AMPH: variants seen among roughly 807,000 people sequenced by gnomAD.
The protein encoded by AMPH is amphiphysin (Stiff-Mann syndrome with breast cancer 128kD autoantigen).
In AMPH, 49 loss-of-function variants were observed where a neutral mutation model predicts 99.1. The observed-to-expected ratio is 0.49, with a 90% confidence interval of 0.39 to 0.63. The LOEUF (loss-of-function observed/expected upper bound fraction) is 0.63, where lower values mean the gene tolerates loss of function less well. Ranked by LOEUF, AMPH falls within the 20% of genes least tolerant of loss-of-function variation. The pLI is 0.00. For synonymous variants in AMPH, 314 were observed against 317.3 expected, an observed-to-expected ratio of 0.99 and a Z score of 0.11; for missense variants, 759 against 863.4, an observed-to-expected ratio of 0.88 and a Z score of 1.52.
chr7:38,507,585 A>T (rs1193606373), intron 2 of AMPH, among the ~76,000 whole-genome samples: 1 of 152,226 alleles, frequency 6.6e-6, no homozygotes, highest in African/African-American at 2.4e-5. Flanking sequence ...AAATTAAACA[A>T]ATTCTTATAA....
chr7:38,420,179 G>C (rs1355121678), intron 16 of AMPH, among the ~76,000 whole-genome samples: 2 of 152,164 alleles, frequency 1.3e-5, no homozygotes, highest in Non-Finnish European at 2.9e-5. Flanking sequence ...CTCACTAAAT[G>C]ATGAGTAACA....
chr7:38,586,792 C>T (rs1792666297), intron 1 of AMPH, among the ~76,000 whole-genome samples: 2 of 152,216 alleles, frequency 1.3e-5, no homozygotes, highest in Non-Finnish European at 2.9e-5. Flanking sequence ...GCACCCTGTG[C>T]TAAGCACTTT....
At chr7:38,618,386 C>T (rs1443843518) in intron 1 of AMPH, among the ~76,000 whole-genome samples, 1 of 151,772 alleles carries the variant, frequency 6.6e-6, no homozygotes, top group Admixed American at 6.6e-5. Flanking sequence ...GTGGCATGCA[C>T]CTGTAGTCCC....
intron 2 of AMPH, among the ~76,000 whole-genome samples, chr7:38,526,419 A>C (rs996908533): frequency 7.4e-6 from 1 of 135,780 alleles, no homozygotes; most frequent in Admixed American, 8.2e-5. Context: ...GCAAGCACCC[A>C]CTACCATGCC....
intron 2 of AMPH, among the ~76,000 whole-genome samples, chr7:38,523,306 A>G (rs1330442527): frequency 6.6e-6 from 1 of 152,200 alleles, no homozygotes; most frequent in African/African-American, 2.4e-5. Context: ...ATGATACCCT[A>G]GAAACAAAGA....
At chr7:38,397,863 T>G (rs181000784) in intron 17 of AMPH, among the ~76,000 whole-genome samples, 12 of 152,004 alleles carry the variant, frequency 7.9e-5, no homozygotes, top group Non-Finnish European at 1.6e-4. Flanking sequence ...GAATAGACAG[T>G]TCACAAAAGA....
At chr7:38,404,125 C>T (rs1401193919) in intron 17 of AMPH, among the ~76,000 whole-genome samples, 2 of 151,970 alleles carry the variant, frequency 1.3e-5, no homozygotes, top group African/African-American at 4.8e-5. Flanking sequence ...CAAAGGACAG[C>T]ATCTATGTGA....
At chr7:38,562,810 G>T (rs148455853) in intron 1 of AMPH, among the ~76,000 whole-genome samples, 14 of 152,310 alleles carry the variant, frequency 9.2e-5, no homozygotes, top group Admixed American at 2.6e-4. Flanking sequence ...AATCAGCAAT[G>T]CAAGGAGTGT....
intron 1 of AMPH, among the ~76,000 whole-genome samples, chr7:38,602,247 C>T (rs1163911776): frequency 6.6e-6 from 1 of 152,310 alleles, no homozygotes; most frequent in African/African-American, 2.4e-5. Context: ...TCAGAGCCTC[C>T]TCCACCTCAG....
At chr7:38,481,608 A>G (rs541695303) in intron 5 of AMPH, among the ~76,000 whole-genome samples, 20 of 152,150 alleles carry the variant, frequency 1.3e-4, no homozygotes, top group Non-Finnish European at 2.5e-4. Context: ...TCAGATGTCA[A>G]TGCTGCATAA....
intron 11 of AMPH, among the ~76,000 whole-genome samples, chr7:38,437,828 A>T (rs548164603): frequency 6.6e-6 from 1 of 152,086 alleles, no homozygotes; most frequent in Non-Finnish European, 1.5e-5. Flanking sequence ...AAAAATAAAA[A>T]TAAAGAAAAG....
chr7:38,504,770 G>A (rs1237447748), intron 2 of AMPH, among the ~76,000 whole-genome samples: 1 of 152,182 alleles, frequency 6.6e-6, no homozygotes, highest in Non-Finnish European at 1.5e-5. Flanking sequence ...TGCCAATGCT[G>A]GCACGTCAGT....
chr7:38,487,977 C>T (rs956162017), intron 5 of AMPH, among the ~76,000 whole-genome samples: 4 of 152,254 alleles, frequency 2.6e-5, no homozygotes, highest in African/African-American at 9.6e-5. Context: ...CAATGAGATA[C>T]CATCTCATGC....
intron 2 of AMPH, among the ~76,000 whole-genome samples, chr7:38,522,902 T>A (rs191731559): frequency 6.6e-6 from 1 of 151,514 alleles, no homozygotes; most frequent in Non-Finnish European, 1.5e-5. Flanking sequence ...AGGTTAGGAG[T>A]TCGAGACCAG....
chr7:38,494,931 A>G (rs1788874371), intron 3 of AMPH, among the ~76,000 whole-genome samples: 1 of 152,214 alleles, frequency 6.6e-6, no homozygotes, highest in Non-Finnish European at 1.5e-5. Flanking sequence ...ACATGGCATA[A>G]AGCATTTTTA....
At chr7:38,595,076 T>C (rs1296461584) in intron 1 of AMPH, among the ~76,000 whole-genome samples, 1 of 152,178 alleles carries the variant, frequency 6.6e-6, no homozygotes, top group African/African-American at 2.4e-5. Context: ...GACAGGAGTC[T>C]GCTAATGGCC....
rs373771873 is a variant in AMPH at position 38,435,885 on chromosome 7, T to C, written c.1134+387A>G. 1.4e-4 allele frequency among the ~76,000 whole-genome samples: 21 copies of C among 152,124 alleles called. No individual in the cohort carries two copies. In the South Asian group the frequency reaches 4.0e-3, roughly 29 times the overall value. ...TGCAAACACACTTTAACTTGCAAAG[T>C]ATGAGGAAGGGAAGTAGAGAAAAGA... On this transcript the variant is annotated intron_variant, in intron 12 of 20. Coordinates refer to ENST00000356264, the MANE Select transcript of AMPH (RefSeq NM_001635.4).
chr7:38,406,731 C>CTCT (rs1562732477), intron 17 of AMPH, among the ~76,000 whole-genome samples: 1,741 of 80,602 alleles, frequency 0.022, 205 homozygotes, highest in Non-Finnish European at 0.023. Flanking sequence ...TCTCCCTTTC[C>CTCT]CTCTCTCTCT....
intron 11 of AMPH, among the ~76,000 whole-genome samples, chr7:38,446,573 T>C (rs879297751): frequency 6.6e-6 from 1 of 152,192 alleles, no homozygotes; most frequent in Non-Finnish European, 1.5e-5. Context: ...TGCAAACTAA[T>C]GTATAGCAAC....
Sources: gnomAD v4.1 joint callset for allele counts (sites outside exome capture counted in the v4.1 genomes callset) on GRCh38, gnomAD v4.1.1 for gene constraint, MANE v1.5 for transcripts, NCBI Gene and HGNC (gene_info 2026-07-23, HGNC 2026-07-21) for gene names.